DST: variants seen among roughly 807,000 people sequenced by gnomAD.
DST encodes bullous pemphigoid antigen.
A neutral mutation model predicts 875.2 loss-of-function variants in DST; 253 were observed. That is an observed-to-expected ratio of 0.29 (90% confidence interval 0.26 to 0.32). DST has a LOEUF of 0.32. DST is among the 10% of genes least tolerant of loss of function. The pLI, the probability that DST is intolerant of heterozygous loss-of-function variation, is 1.00. For synonymous variants in DST, 3,124 were observed against 3,197.1 expected (o/e 0.98, Z 0.77); for missense variants, 8,287 against 9,111.6 (o/e 0.91, Z 3.68).
At position 56,569,747 on chromosome 6, in the gene DST, T is replaced by C. The variant is rs563084095; in HGVS notation, c.13878+109A>G. 8.4e-6 allele frequency: 8 copies of C among 949,418 alleles called. No homozygotes were observed. The Admixed American group carries it at 1.9e-4, about 22-fold the overall frequency. The allele number at this position is 949,418 out of a possible 1,614,324, so 58.8% of individuals were successfully genotyped here. ...AGGTCAACAAAATATACAGTACATA[T>C]ATGAGGATAAAACTTAGATGATATT... On this transcript the variant is annotated intron_variant, in intron 54 of 103. Transcript: ENST00000680361.
Position 56,604,734 on chromosome 6 carries a change from T to C in DST, c.9894A>G (p.Leu3298=), listed in dbSNP as rs773840857. 6.2e-7 allele frequency: 1 copy of C among 1,612,732 alleles called. No homozygotes were observed. The highest frequency in any genetic ancestry group is 8.5e-7 in the Non-Finnish European group (1 of 1,179,176). ...FLQSERCANG[L]GNDNSSNTLN... ...AAGTGTTACTGGAGTTATCATTTCCTAATCCATTTGCACACCGCTCCGACT... is the reference window on the plus strand; with the variant it reads ...AAGTGTTACTGGAGTTATCATTTCCCAATCCATTTGCACACCGCTCCGACT... Residue 3298 remains leucine, a synonymous_variant, in exon 40 of 104, where the codon TTA becomes TTG. Transcript: ENST00000680361.
intron 9 of DST, among the ~76,000 whole-genome samples, chr6:56,698,034 T>C (rs556122549): frequency 7.2e-5 from 11 of 152,328 alleles, no homozygotes; most frequent in Non-Finnish European, 1.2e-4. Context: ...CTTCCAGTTC[T>C]GGTTACTGGC....
chr6:56,625,629 C>CAATT (rs1340796461), intron 34 of DST, among the ~76,000 whole-genome samples: 1 of 151,426 alleles, frequency 6.6e-6, no homozygotes, highest in Non-Finnish European at 1.5e-5. Context: ...ATAGCACACA[C>CAATT]AATTATGTTC....
rs754940406 is a variant in DST, at chr6:56,598,638, TAAG to T, written c.11763_11765del (p.Phe3921del). On this transcript the variant is annotated inframe_deletion, in exon 46 of 104. Transcript: ENST00000680361. ...GTGACAGCTTTTCACCATTCTCTTTTAAGAAGTTCTCTGTGTTTTTCACTACTT... is the reference window on the plus strand; with the variant it reads ...GTGACAGCTTTTCACCATTCTCTTTTAAGTTCTCTGTGTTTTTCACTACTT... 1.4e-5 allele frequency: 22 copies of T among 1,611,580 alleles called. No individual in the cohort carries two copies. The East Asian group carries it at 4.2e-4, about 31-fold the overall frequency.
chr6:56,508,600 C>T lies in DST; in HGVS notation c.19168G>A (p.Asp6390Asn), dbSNP rs1562449304. 1 of 1,613,864 alleles carries T rather than the reference C, an allele frequency of 6.2e-7. No individual in the cohort carries two copies. The highest frequency in any genetic ancestry group is 1.7e-5 in the Admixed American group (1 of 60,010). Residue 6390 changes from aspartate (D) to asparagine (N), a missense_variant, in exon 75 of 104, where the codon GAT becomes AAT. This residue lies in a region of DST where 1,292 missense variants were observed against 1,552.7 expected (regional missense o/e 0.83). Coordinates refer to ENST00000680361, the MANE Select transcript of DST (RefSeq NM_001374736.1). ...SLIVTIKDTQ[D>N]FIRDLEDPGI... ...GGATCTTCCAGGTCCCGGATGAAAT[C>T]TTGAGTATCTTTAATGGTAACTATC...
Position 56,459,137 on chromosome 6 carries a change from C to T in DST, c.23325G>A (p.Val7775=), listed in dbSNP as rs939814173. The change falls in exon 104 of 104, where the codon GTG becomes GTA. Residue 7775 remains valine (V), a synonymous_variant. Coordinates refer to ENST00000680361, the MANE Select transcript of DST (RefSeq NM_001374736.1). ...GTCTGTGTGTCTGGGGGACAGTTTC[C>T]ACATCTGAGCACACGGACTGGATTT... ...ISEIQSVCSD[V]ETVPQTHRPT... The T allele has an allele frequency of 6.2e-7, 1 of 1,612,588 alleles. No individual in the cohort carries two copies. The highest frequency in any genetic ancestry group is 1.3e-5 in the African/African-American group (1 of 74,518).
chr6:56,615,221 T>C, intron 36 of DST: 1 of 1,189,530 alleles, frequency 8.4e-7, no homozygotes, highest in Non-Finnish European at 1.1e-6. Context: ...CACTGTGAAC[T>C]TGGAGTTCAT....
At chr6:56,842,941 G>T in intron 4 of DST, 1 of 1,039,838 alleles carries the variant, frequency 9.6e-7, no homozygotes, top group Non-Finnish European at 1.3e-6. Flanking sequence ...CCCAAGACTG[G>T]TCCAGACACC....
chr6:56,475,351 A>G (rs985122134), intron 92 of DST, among the ~76,000 whole-genome samples: 11 of 151,986 alleles, frequency 7.2e-5, no homozygotes, highest in Admixed American at 4.6e-4. Context: ...GACCTGGTAC[A>G]CTTAGAGCCA....
At position 56,953,773 on chromosome 6, in the gene DST, TA is replaced by T; in HGVS notation, c.216+11del. On this transcript the variant is annotated intron_variant, in intron 2 of 103. Transcript: ENST00000680361. ...TTCTTCTGACCTTGAGCGTGCGCGC[TA>T]AATAAATTACCTCAGAACGAAAGTG... 1 of 1,313,760 alleles carries T rather than the reference TA, an allele frequency of 7.6e-7. No individual in the cohort carries two copies. The highest frequency in any genetic ancestry group is 1.0e-6 in the Non-Finnish European group (1 of 993,148). 81.4% of individuals were successfully genotyped at this position (1,313,760 alleles called of 1,614,324 possible). A position where few individuals can be genotyped will look rare whatever the true frequency, so the allele number is the denominator to read the frequency against.
Position 56,630,393 on chromosome 6 carries a change from G to A in DST, c.4143-10C>T. ...GTTAACAGTTTTCAACCTTAAAAAG[G>A]AAATTAAACAATAGCCACCTATGGT... On this transcript the variant is annotated splice_polypyrimidine_tract_variant and intron_variant, in intron 30 of 103. Transcript: ENST00000680361. 1 of 1,610,784 alleles carries A rather than the reference G, an allele frequency of 6.2e-7. No homozygotes were observed. Among genetic ancestry groups the A allele is most frequent in the East Asian group, 2.2e-5 (1 of 44,822 alleles).
At position 56,501,637 on chromosome 6, in the gene DST, T is replaced by C; in HGVS notation, c.19623A>G (p.Gln6541=). 1 of 1,609,694 alleles carries C rather than the reference T, an allele frequency of 6.2e-7. No homozygotes were observed. Among genetic ancestry groups the C allele is most frequent in the South Asian group, 1.1e-5 (1 of 90,350 alleles). ...QQIEMERLNH[Q]AELLLKKVTE... is the part of the protein sequence containing the mutation. ...TTACTTTCTTTAGCAAAAGCTCTGCTTGATGATTCAGTCTTTCCATTTCTA... is the reference window on the plus strand; with the variant it reads ...TTACTTTCTTTAGCAAAAGCTCTGCCTGATGATTCAGTCTTTCCATTTCTA... Residue 6541 remains glutamine, a synonymous_variant, in exon 79 of 104, where the codon CAA becomes CAG. Coordinates refer to ENST00000680361, the MANE Select transcript of DST (RefSeq NM_001374736.1).
In DST at chr6:56,625,238, G is replaced by C; in HGVS notation, c.4749C>G (p.Tyr1583Ter). The change falls in exon 35 of 104, where the codon TAC (tyrosine) becomes TAG (stop). Residue 1583 changes from tyrosine to a stop codon, truncating the protein, a stop_gained. Coordinates refer to ENST00000680361, the MANE Select transcript of DST (RefSeq NM_001374736.1). LOFTEE classifies it high-confidence loss of function. ...VKDYELQTMTYRAMVDSQQKS... is the reference protein window; with the variant it reads ...VKDYELQTMT Reference sequence around the variant, plus strand: ...TTTGTTGTGAATCTACCATGGCCCGGTAGGTCATTGTTTGTAATTCATAGT... The same window carrying C: ...TTTGTTGTGAATCTACCATGGCCCGCTAGGTCATTGTTTGTAATTCATAGT... 1 of 1,612,958 alleles carries C rather than the reference G, an allele frequency of 6.2e-7. No homozygotes were observed. Among genetic ancestry groups the C allele is most frequent in the Non-Finnish European group, 8.5e-7 (1 of 1,179,140 alleles).
intron 69 of DST, among the ~76,000 whole-genome samples, chr6:56,521,886 G>C (rs958478822): frequency 6.6e-6 from 1 of 151,874 alleles, no homozygotes; most frequent in Non-Finnish European, 1.5e-5. Context: ...AAATACACTA[G>C]GTCAAATTTT....
intron 2 of DST, among the ~76,000 whole-genome samples, chr6:56,941,770 C>A (rs554146880): frequency 6.6e-6 from 1 of 152,262 alleles, no homozygotes; most frequent in South Asian, 2.1e-4. Flanking sequence ...CATGAGCCAC[C>A]GTGCCTGGCC....
chr6:56,537,036 A>G (rs1285698859), intron 61 of DST, 96 bp from the exon 62 acceptor site: 50 of 1,086,924 alleles, frequency 4.6e-5, no homozygotes, highest in Non-Finnish European at 6.1e-5. Flanking sequence ...TGTGGAAACC[A>G]TCAATTATTA....
At chr6:56,620,381 C>T (rs1268067081) in intron 36 of DST, 3 of 1,614,150 alleles carry the variant, frequency 1.9e-6, no homozygotes, top group East Asian at 4.5e-5. Context: ...GGTGAGCTGC[C>T]TCACCCGCTC....
rs182396262 is a variant in DST, at chr6:56,475,060, C to T, written c.21865-1058G>A. 4.2e-3 allele frequency among the ~76,000 whole-genome samples: 631 copies of T among 150,030 alleles called. 3 individuals are homozygous for T. Among genetic ancestry groups the T allele is most frequent in the African/African-American group, 0.015 (606 of 40,876 alleles). On this transcript the variant is annotated intron_variant, in intron 92 of 103. Coordinates refer to ENST00000680361, the MANE Select transcript of DST (RefSeq NM_001374736.1). Reference sequence around the variant, plus strand: ...ACATATCAAAATATTCATAAATAGGCTATTCCAAGGGTGGTAAAAACTATT... The same window carrying T: ...ACATATCAAAATATTCATAAATAGGTTATTCCAAGGGTGGTAAAAACTATT...
intron 2 of DST, among the ~76,000 whole-genome samples, chr6:56,943,801 T>G (rs1276862203): frequency 6.6e-6 from 1 of 151,984 alleles, no homozygotes; most frequent in East Asian, 1.9e-4. Context: ...AAGACATAAG[T>G]AAGGTATAAC....
Sources: gnomAD v4.1 joint callset for allele counts (sites outside exome capture counted in the v4.1 genomes callset) on GRCh38, gnomAD v4.1.1 for gene constraint, gnomAD v4.1.1 regional missense constraint, MANE v1.5 for transcripts, NCBI Gene and HGNC (gene_info 2026-07-23, HGNC 2026-07-21) for gene names.